The following XKR4 variants were observed in gnomAD, a reference collection of about 807,000 sequenced individuals.
XKR4 encodes XK-related protein 4.
A neutral mutation model predicts 53.9 loss-of-function variants in XKR4; 12 were observed. That is an observed-to-expected ratio of 0.22 (90% CI 0.14 to 0.36). The LOEUF is 0.36. Among genes scored for constraint, XKR4 ranks in the 10% least tolerant of loss-of-function variants. The probability of loss-of-function intolerance (pLI) is 1.00; values close to 1 mark genes in which losing one functional copy is unlikely to be tolerated. For synonymous variants in XKR4, 354 were observed against 362.4 expected (o/e 0.98, Z 0.26); for missense variants, 799 against 859.5 (o/e 0.93, Z 0.88).
intron 1 of XKR4, chr8:55,272,777 A>G: frequency 2.7e-6 from 1 of 376,402 alleles, no homozygotes; most frequent in South Asian, 2.1e-5. Context: ...TTTAGCTACC[A>G]TTGTGGCAAA....
chr8:55,396,676 A>G (rs1804523605), intron 2 of XKR4, among the ~76,000 whole-genome samples: 3 of 152,138 alleles, frequency 2.0e-5, no homozygotes, highest in Non-Finnish European at 4.4e-5. Context: ...GCGGAACTGG[A>G]AATATTTGTG....
At position 55,452,832 on chromosome 8, in the gene XKR4, CCCAGCTCCTGAAG is replaced by C. The variant is rs1368960721; in HGVS notation, c.1007-70447_1007-70435del. 1.9e-5 allele frequency: 15 copies of C among 770,112 alleles called. No individual in the cohort carries two copies. In the African/African-American group the frequency reaches 2.5e-4, roughly 13 times the overall value. The allele number at this position is 770,112 out of a possible 1,614,324, so 47.7% of individuals were successfully genotyped here. A position where few individuals can be genotyped will look rare whatever the true frequency, so the allele number is the denominator to read the frequency against. The stretch of plus-strand genomic sequence containing the variant: ...GCTGTTGCTGGTGCTCTCCAGGTCA[CCCAGCTCCTGAAG>C]CAGGCGGCTCTTGCTGCTGTCCAGA... On this transcript the variant is annotated intron_variant, in intron 2 of 2. Coordinates refer to ENST00000327381, the MANE Select transcript of XKR4 (RefSeq NM_052898.2).
In XKR4 at chr8:55,362,915, G is replaced by A. The variant is rs78004580; in HGVS notation, c.1006+5038G>A. 8.6e-3 allele frequency among the ~76,000 whole-genome samples: 1,304 copies of A among 152,256 alleles called. 20 individuals are homozygous for A. The highest frequency in any genetic ancestry group is 0.03 in the African/African-American group (1,246 of 41,536). On this transcript the variant is annotated intron_variant, in intron 2 of 2. Coordinates refer to ENST00000327381, the MANE Select transcript of XKR4 (RefSeq NM_052898.2). ...ACCATGTAGAATCACGGCACATAGC[G>A]GATGCTCTCAATGAGGGTGTATAAA...
chr8:55,131,639 A>G (rs931082266), intron 1 of XKR4, among the ~76,000 whole-genome samples: 5 of 152,236 alleles, frequency 3.3e-5, no homozygotes, highest in Admixed American at 2.6e-4. Context: ...TGCGCGATTG[A>G]CATGCTCATC....
chr8:55,327,408 A>G (rs1434463405), intron 1 of XKR4, among the ~76,000 whole-genome samples: 1 of 152,166 alleles, frequency 6.6e-6, no homozygotes, highest in Non-Finnish European at 1.5e-5. Context: ...CCCCAAATCA[A>G]GAGTGTGAAG....
chr8:55,454,121 G>A (rs777396823), intron 2 of XKR4: 9 of 848,038 alleles, frequency 1.1e-5, no homozygotes, highest in Middle Eastern at 2.4e-4. Context: ...TGGAGGGAAG[G>A]CGAGGTCAAC....
In XKR4 at chr8:55,465,725, G is replaced by A. The variant is rs1187716003; in HGVS notation, c.1007-57556G>A. 1.6e-4 allele frequency among the ~76,000 whole-genome samples: 25 copies of A among 152,062 alleles called. No homozygotes were observed. In the East Asian group the frequency reaches 4.8e-3, roughly 29 times the overall value. ...ACCTACAGAATGGGAGGAAATTTTT[G>A]CAACCTACTCATCTGACAAAGGGCT... On this transcript the variant is annotated intron_variant, in intron 2 of 2. Transcript: ENST00000327381.
intron 2 of XKR4, among the ~76,000 whole-genome samples, chr8:55,449,012 CT>C (rs1805383543): frequency 6.6e-6 from 1 of 151,484 alleles, no homozygotes; most frequent in Non-Finnish European, 1.5e-5. Context: ...AATGTTATGA[CT>C]TATTATATAA....
intron 1 of XKR4, among the ~76,000 whole-genome samples, chr8:55,183,556 CTG>C (rs1353683932): frequency 6.6e-6 from 1 of 152,054 alleles, no homozygotes; most frequent in African/African-American, 2.4e-5. Context: ...TTATATCTCT[CTG>C]TTACTGATTT....
At chr8:55,278,206 G>A (rs186694764) in intron 1 of XKR4, among the ~76,000 whole-genome samples, 1 of 151,974 alleles carries the variant, frequency 6.6e-6, no homozygotes, top group Admixed American at 6.6e-5. Context: ...GCATGGTGAT[G>A]CACACCTGTA....
intron 1 of XKR4, among the ~76,000 whole-genome samples, chr8:55,305,819 T>A (rs1465040933): frequency 6.6e-6 from 1 of 152,112 alleles, no homozygotes; most frequent in Non-Finnish European, 1.5e-5. Context: ...TGTATATTGA[T>A]CCATGAAATG....
intron 2 of XKR4, among the ~76,000 whole-genome samples, chr8:55,457,420 G>C (rs191617011): frequency 2.0e-5 from 3 of 152,138 alleles, no homozygotes; most frequent in Non-Finnish European, 4.4e-5. Context: ...GGGATTATAG[G>C]CGTGAGCCAC....
At chr8:55,173,905 G>A (rs1390306590) in intron 1 of XKR4, among the ~76,000 whole-genome samples, 3 of 152,088 alleles carry the variant, frequency 2.0e-5, no homozygotes, top group Non-Finnish European at 4.4e-5. Flanking sequence ...CTCAAATTTT[G>A]CATGAAGTAT....
intron 1 of XKR4, among the ~76,000 whole-genome samples, chr8:55,174,486 A>C (rs145042822): frequency 6.6e-6 from 1 of 152,172 alleles, no homozygotes; most frequent in Non-Finnish European, 1.5e-5. Flanking sequence ...GGGGCTTCAC[A>C]AAGTGCTTGT....
intron 1 of XKR4, among the ~76,000 whole-genome samples, chr8:55,104,375 C>A (rs772105633): frequency 6.6e-6 from 1 of 152,144 alleles, no homozygotes; most frequent in African/African-American, 2.4e-5. Flanking sequence ...GAAATGAGGA[C>A]AATTCCTAGA....
At chr8:55,494,210 G>A (rs1407661095) in intron 2 of XKR4, among the ~76,000 whole-genome samples, 1 of 152,252 alleles carries the variant, frequency 6.6e-6, no homozygotes, top group African/African-American at 2.4e-5. Context: ...TGAGGGCACA[G>A]CTGGACCAGG....
chr8:55,232,235 G>A lies in XKR4; in HGVS notation c.807-125443G>A, dbSNP rs77272807. Among the ~76,000 whole-genome samples the A allele has an allele frequency of 2.1e-3, 325 of 152,290 alleles. 1 individual carries two copies. The highest frequency in any genetic ancestry group is 7.4e-3 in the African/African-American group (309 of 41,558). ...AAAGTGGAATTCTCACTTTTGGGGT[G>A]GGCAGGCAACTTGCCGGACATTAGT... On this transcript the variant is annotated intron_variant, in intron 1 of 2. Transcript: ENST00000327381.
At chr8:55,430,950 AAC>A (rs1330391396) in intron 2 of XKR4, among the ~76,000 whole-genome samples, 1 of 152,254 alleles carries the variant, frequency 6.6e-6, no homozygotes, top group African/African-American at 2.4e-5. Context: ...AATGTGGGGC[AAC>A]AGACACAATT....
At chr8:55,303,983 G>T (rs1396058212) in intron 1 of XKR4, among the ~76,000 whole-genome samples, 1 of 151,924 alleles carries the variant, frequency 6.6e-6, no homozygotes, top group Non-Finnish European at 1.5e-5. Context: ...AGGGTTTTTT[G>T]TGTCTCTATT....
Sources: gnomAD v4.1 joint callset for allele counts (sites outside exome capture counted in the v4.1 genomes callset) on GRCh38, gnomAD v4.1.1 for gene constraint, MANE v1.5 for transcripts, NCBI Gene and HGNC (gene_info 2026-07-23, HGNC 2026-07-21) for gene names.